The following PMEPA1 variants were observed in gnomAD, a reference collection of about 807,000 sequenced individuals.
PMEPA1 encodes the protein prostate transmembrane protein, androgen induced 1.
Under a neutral mutation model 23.0 loss-of-function variants are expected in PMEPA1, and 11 were observed. The observed-to-expected ratio is 0.48, with a 90% CI of 0.30 to 0.79. PMEPA1 has a LOEUF of 0.79. PMEPA1 is among the 30% of genes least tolerant of loss of function. PMEPA1 has a pLI of 0.06. For synonymous variants in PMEPA1, 204 were observed against 166.4 expected (o/e 1.23, Z -1.74); for missense variants, 377 against 390.9 (o/e 0.96, Z 0.30).
At chr20:57,670,913 C>T (rs190441430) in intron 1 of PMEPA1, among the ~76,000 whole-genome samples, 137 of 152,254 alleles carry the variant, frequency 9.0e-4, no homozygotes, top group Admixed American at 2.2e-3. Context: ...CACCGCCCCC[C>T]CAACCCCCAA....
chr20:57,661,429 C>A (rs1411274133), intron 1 of PMEPA1, among the ~76,000 whole-genome samples: 2 of 152,200 alleles, frequency 1.3e-5, no homozygotes, highest in Admixed American at 6.5e-5. Flanking sequence ...ACACCCTGCC[C>A]AAGGTGTGCA....
At chr20:57,694,861 A>G (rs1448241673) in intron 1 of PMEPA1, among the ~76,000 whole-genome samples, 1 of 152,224 alleles carries the variant, frequency 6.6e-6, no homozygotes, top group African/African-American at 2.4e-5. Context: ...CTCTAGATGA[A>G]AAATAGGCCT....
rs1208622500 is a variant in PMEPA1 at position 57,704,921 on chromosome 20, C to T, written c.109+4553G>A. The stretch of plus-strand genomic sequence containing the variant: ...CAGCCTCCACAGACCTCCCGACGGC[C>T]TCCCTTCTCCTGGGCAGCGGCACAC... On this transcript the variant is annotated intron_variant, in intron 1 of 3. Transcript: ENST00000341744. The surrounding 1 kb of genome is among the most constrained non-coding windows in gnomAD (Gnocchi z 4.6). 1.3e-5 allele frequency among the ~76,000 whole-genome samples: 2 copies of T among 152,194 alleles called. No homozygotes were observed. The highest frequency in any genetic ancestry group is 2.9e-5 in the Non-Finnish European group (2 of 68,032).
chr20:57,664,545 G>T (rs188055489), intron 1 of PMEPA1, among the ~76,000 whole-genome samples: 1 of 149,752 alleles, frequency 6.7e-6, no homozygotes, highest in Non-Finnish European at 1.5e-5. Flanking sequence ...GCGGCAGCTC[G>T]CAGAATCCTC....
At chr20:57,710,920 C>T (rs2146724828), upstream of PMEPA1, 1 of 155,736 alleles carries the variant, frequency 6.4e-6, no homozygotes, top group South Asian at 2.1e-4. Flanking sequence ...TTTCTCAAAG[C>T]TTCACTTATT....
rs1213650532 is a variant in PMEPA1 at position 57,682,176 on chromosome 20, T to C, written c.110-22479A>G. Among the ~76,000 whole-genome samples, 2 of 152,118 alleles carry C rather than the reference T, an allele frequency of 1.3e-5. No homozygotes were observed. Among genetic ancestry groups the C allele is most frequent in the African/African-American group, 4.8e-5 (2 of 41,418 alleles). ...GTGATTCGCCCAAATACCGGGTCTG[T>C]CCTCCTTCCTTAGGTCACTATTACA... On this transcript the variant is annotated intron_variant, in intron 1 of 3. Transcript: ENST00000341744. The surrounding 1 kb of genome is among the most constrained non-coding windows in gnomAD (Gnocchi z 4.4).
Position 57,652,321 on chromosome 20 carries a change from C to G in PMEPA1, c.596G>C (p.Ser199Thr). The change falls in exon 4 of 4, where the codon AGT becomes ACT. Residue 199 changes from serine to threonine, a missense_variant. Around this residue, in one of 3 missense-constraint regions of PMEPA1, gnomAD observed 176 missense variants for 173.0 expected, o/e 1.02. Coordinates refer to ENST00000341744, the MANE Select transcript of PMEPA1 (RefSeq NM_020182.5). The surrounding 1 kb of genome is among the most constrained non-coding windows in gnomAD (Gnocchi z 6.1). Reference sequence around the variant, plus strand: ...GGGGCAGGGGCCGCCCAGCCTGGCACTATCCATCAGGTCACTGTCGAAGAT... The same window carrying G: ...GGGGCAGGGGCCGCCCAGCCTGGCAGTATCCATCAGGTCACTGTCGAAGAT... ...RTIFDSDLMD[S>T]ARLGGPCPPS... is the part of the protein sequence containing the mutation. 1 of 1,612,216 alleles carries G rather than the reference C, an allele frequency of 6.2e-7. No individual in the cohort carries two copies. Among genetic ancestry groups the G allele is most frequent in the South Asian group, 1.1e-5 (1 of 91,088 alleles).
rs1486781683 is a variant in PMEPA1, at chr20:57,682,788, G to A, written c.110-23091C>T. On this transcript the variant is annotated intron_variant, in intron 1 of 3. Transcript: ENST00000341744. The surrounding 1 kb of genome is among the most constrained non-coding windows in gnomAD (Gnocchi z 4.4). ...TAAATATTTCTGCTAGATGCTGCCTGGGAGCTGGGCTTTCTGCATGAGCAG... is the reference window on the plus strand; with the variant it reads ...TAAATATTTCTGCTAGATGCTGCCTAGGAGCTGGGCTTTCTGCATGAGCAG... Among the ~76,000 whole-genome samples the A allele has an allele frequency of 6.6e-6, 1 of 152,254 alleles. No individual in the cohort carries two copies. Among genetic ancestry groups the A allele is most frequent in the Non-Finnish European group, 1.5e-5 (1 of 68,042 alleles).
intron 1 of PMEPA1, among the ~76,000 whole-genome samples, chr20:57,665,756 T>A (rs963720471): frequency 2.0e-5 from 3 of 152,204 alleles, no homozygotes; most frequent in African/African-American, 7.2e-5. Flanking sequence ...GTGGGAGATT[T>A]GAGCTCAAGT....
At chr20:57,694,403 C>T (rs551334160) in intron 1 of PMEPA1, among the ~76,000 whole-genome samples, 28 of 152,338 alleles carry the variant, frequency 1.8e-4, no homozygotes, top group Admixed American at 9.8e-4. Context: ...CTCACGAAAT[C>T]GACAATGTGC....
In PMEPA1 at chr20:57,709,934, GCCGCCT is replaced by G; in HGVS notation, c.-358_-353del. 9.9e-7 allele frequency: 1 copy of G among 1,011,318 alleles called. No homozygotes were observed. Among genetic ancestry groups the G allele is most frequent in the Non-Finnish European group, 1.2e-6 (1 of 849,938 alleles). The allele number at this position is 1,011,318 out of a possible 1,614,324, so 62.6% of individuals were successfully genotyped here. Reference sequence around the variant, plus strand: ...GAGCGCCTCCGCCGCCGCCGCCGCCGCCGCCTCCTCCTCCTCATTCAAGTCCAAGGA... The same window carrying G: ...GAGCGCCTCCGCCGCCGCCGCCGCCGCCTCCTCCTCATTCAAGTCCAAGGA... On this transcript the variant is annotated 5_prime_UTR_variant, in exon 1 of 4. Transcript: ENST00000341744.
chr20:57,710,942 T>G (rs546388892), upstream of PMEPA1: 1 of 153,462 alleles, frequency 6.5e-6, no homozygotes, highest in South Asian at 2.1e-4. Flanking sequence ...AACAGGCACT[T>G]AAGGAGCACC....
At chr20:57,657,705 A>G (rs56906826) in intron 2 of PMEPA1, among the ~76,000 whole-genome samples, 4,324 of 152,304 alleles carry the variant, frequency 0.028, 130 homozygotes, top group African/African-American at 0.079. Flanking sequence ...TGATGCAAGC[A>G]GAGGTGTCCA....
chr20:57,666,670 A>G (rs778004986), intron 1 of PMEPA1, among the ~76,000 whole-genome samples: 1 of 152,198 alleles, frequency 6.6e-6, no homozygotes, highest in East Asian at 1.9e-4. Flanking sequence ...CAGTCCATGA[A>G]GCTGGTATTC....
chr20:57,709,462 G>C lies in PMEPA1; in HGVS notation c.109+12C>G, dbSNP rs973206871. 4 of 1,108,640 alleles carry C rather than the reference G, an allele frequency of 3.6e-6. No individual in the cohort carries two copies. The highest frequency in any genetic ancestry group is 3.3e-5 in the African/African-American group (2 of 59,786). The allele number at this position is 1,108,640 out of a possible 1,614,324, so 68.7% of individuals were successfully genotyped here. A position where few individuals can be genotyped will look rare whatever the true frequency, so the allele number is the denominator to read the frequency against. On this transcript the variant is annotated intron_variant, in intron 1 of 3. Coordinates refer to ENST00000341744, the MANE Select transcript of PMEPA1 (RefSeq NM_020182.5). ...ATGGAGTCTCCGGGGAGGGGGGCGT[G>C]GGGTCACTCACTGATCTCCATGCTC...
chr20:57,688,341 A>G (rs2071829040), intron 1 of PMEPA1, among the ~76,000 whole-genome samples: 1 of 93,464 alleles, frequency 1.1e-5, no homozygotes, highest in Non-Finnish European at 2.0e-5. Context: ...GGAAGGAGAC[A>G]CTTCTTTGTG....
intron 1 of PMEPA1, among the ~76,000 whole-genome samples, chr20:57,677,215 C>G (rs1374902157): frequency 6.6e-6 from 1 of 152,188 alleles, no homozygotes; most frequent in Non-Finnish European, 1.5e-5. Flanking sequence ...ATGGATTATT[C>G]TGGCTGTGGG....
At position 57,651,019 on chromosome 20, in the gene PMEPA1, G is replaced by C. The variant is rs938985786; in HGVS notation, c.*1034C>G. The C allele has an allele frequency of 3.3e-5, 5 of 152,192 alleles. No individual in the cohort carries two copies. Among genetic ancestry groups the C allele is most frequent in the Non-Finnish European group, 5.9e-5 (4 of 68,044 alleles). The allele number at this position is 152,192 out of a possible 1,614,324, so 9.4% of individuals were successfully genotyped here. On this transcript the variant is annotated 3_prime_UTR_variant, in exon 4 of 4. Transcript: ENST00000341744. Reference sequence around the variant, plus strand: ...TGAGGGGCACCATGCTCCACCCCACGGGGACCTTCACAGTTGGAAAAAAGA... The same window carrying C: ...TGAGGGGCACCATGCTCCACCCCACCGGGACCTTCACAGTTGGAAAAAAGA...
In PMEPA1 at chr20:57,682,300, G is replaced by A. The variant is rs566199499; in HGVS notation, c.110-22603C>T. ...GCTGAGTGTGAATGGTGCTCAGAGC[G>A]GGGGACCAGCTCCACCAGCGGTTCC... On this transcript the variant is annotated intron_variant, in intron 1 of 3. Transcript: ENST00000341744. The surrounding 1 kb of genome is among the most constrained non-coding windows in gnomAD (Gnocchi z 4.4). Among the ~76,000 whole-genome samples the A allele has an allele frequency of 1.4e-4, 22 of 152,300 alleles. No individual in the cohort carries two copies. The highest frequency in any genetic ancestry group is 5.1e-4 in the African/African-American group (21 of 41,558).
Sources: gnomAD v4.1 joint callset for allele counts (sites outside exome capture counted in the v4.1 genomes callset) on GRCh38, gnomAD v4.1.1 for gene constraint, gnomAD v4.1.1 regional missense constraint, Gnocchi (gnomAD v3.1) non-coding constraint, MANE v1.5 for transcripts, NCBI Gene and HGNC (gene_info 2026-07-23, HGNC 2026-07-21) for gene names.